The following CNTN5 variants were observed in gnomAD, a reference collection of about 807,000 sequenced individuals.
The protein encoded by CNTN5 is contactin 5.
CNTN5 carries 77 observed loss-of-function variants against 129.1 expected under a neutral mutation model. That is an observed-to-expected ratio of 0.60 (90% confidence interval 0.50 to 0.72). The LOEUF (loss-of-function observed/expected upper bound fraction) is 0.72. CNTN5 is among the 30% of genes least tolerant of loss of function. The pLI, the probability that CNTN5 is intolerant of heterozygous loss-of-function variation, is 0.00. For missense variants in CNTN5, 1,478 were observed against 1,328.8 expected (o/e 1.11, Z -1.75); for synonymous variants, 509 against 465.6 (o/e 1.09, Z -1.20).
chr11:99,369,503 A>G (rs1166828705), intron 2 of CNTN5, among the ~76,000 whole-genome samples: 4 of 151,582 alleles, frequency 2.6e-5, no homozygotes, highest in African/African-American at 7.3e-5. Flanking sequence ...TGCTGATAAT[A>G]TGTTCTTCCA....
chr11:100,196,076 G>C (rs1276793884), intron 15 of CNTN5, among the ~76,000 whole-genome samples: 1 of 151,846 alleles, frequency 6.6e-6, no homozygotes, highest in Non-Finnish European at 1.5e-5. Flanking sequence ...GAGTTTCCAA[G>C]AAGAGTCATT....
chr11:100,308,910 G>A, intron 21 of CNTN5: 2 of 980,416 alleles, frequency 2.0e-6, no homozygotes, highest in Middle Eastern at 5.3e-4. Flanking sequence ...TTGTATCTAT[G>A]TATTCAGATA....
At chr11:100,283,988 C>T (rs1478403447) in intron 18 of CNTN5, among the ~76,000 whole-genome samples, 2 of 152,150 alleles carry the variant, frequency 1.3e-5, no homozygotes, top group South Asian at 4.2e-4. Flanking sequence ...TAAATTCCCT[C>T]TGTGGGTGGG....
chr11:99,323,839 T>C (rs996059093), intron 1 of CNTN5, among the ~76,000 whole-genome samples: 1 of 151,430 alleles, frequency 6.6e-6, no homozygotes, highest in African/African-American at 2.4e-5. Flanking sequence ...AAATGTAAAA[T>C]TGTTACAATA....
At chr11:100,007,927 C>T (rs1940293064) in intron 9 of CNTN5, among the ~76,000 whole-genome samples, 2 of 151,970 alleles carry the variant, frequency 1.3e-5, no homozygotes, top group Non-Finnish European at 2.9e-5. Context: ...CTTCCTTTCA[C>T]TTGAACACTT....
intron 1 of CNTN5, among the ~76,000 whole-genome samples, chr11:99,316,170 C>T (rs901970743): frequency 2.6e-5 from 4 of 151,398 alleles, no homozygotes; most frequent in African/African-American, 9.8e-5. Context: ...GGGCATCATC[C>T]TGTAGATTCT....
intron 2 of CNTN5, among the ~76,000 whole-genome samples, chr11:99,505,129 T>A (rs1946569688): frequency 6.6e-6 from 1 of 152,142 alleles, no homozygotes; most frequent in African/African-American, 2.4e-5. Flanking sequence ...TCAGCATACC[T>A]CCCATTTCGC....
intron 1 of CNTN5, among the ~76,000 whole-genome samples, chr11:99,301,713 T>A (rs1407108349): frequency 1.3e-5 from 2 of 151,684 alleles, no homozygotes; most frequent in Non-Finnish European, 3.0e-5. Flanking sequence ...GTAGAAGACA[T>A]GTACAATTCT....
chr11:99,447,793 T>G (rs189652394), intron 2 of CNTN5, among the ~76,000 whole-genome samples: 73 of 152,110 alleles, frequency 4.8e-4, no homozygotes, highest in African/African-American at 1.7e-3. Flanking sequence ...GGTGTCGTGG[T>G]GGGTTCCTGT....
In CNTN5 at chr11:99,993,794, A is replaced by G. The variant is rs370959125; in HGVS notation, c.878-8240A>G. 1.6e-4 allele frequency among the ~76,000 whole-genome samples: 24 copies of G among 152,234 alleles called. No individual in the cohort carries two copies. In the South Asian group the frequency reaches 5.0e-3, roughly 32 times the overall value. On this transcript the variant is annotated intron_variant, in intron 8 of 24. Transcript: ENST00000524871. ...AGCTGTAACACAATAATCCCATGAA[A>G]TGTAAAGCAAAACGTAACCACTGAA...
At chr11:99,023,982 A>G (rs185257425) in intron 1 of CNTN5, among the ~76,000 whole-genome samples, 1 of 152,282 alleles carries the variant, frequency 6.6e-6, no homozygotes, top group East Asian at 1.9e-4. Context: ...GGCTGTGCTA[A>G]CATGTTACAT....
At chr11:99,279,199 C>A (rs1164572530) in intron 1 of CNTN5, among the ~76,000 whole-genome samples, 4 of 151,738 alleles carry the variant, frequency 2.6e-5, no homozygotes, top group Admixed American at 2.0e-4. Flanking sequence ...CTGCCTCCTC[C>A]TTCGTATTCT....
At chr11:100,181,335 T>A (rs1466293649) in intron 13 of CNTN5, among the ~76,000 whole-genome samples, 1 of 152,020 alleles carries the variant, frequency 6.6e-6, no homozygotes, top group East Asian at 1.9e-4. Flanking sequence ...TAGATTCCAC[T>A]AATCTAAGAT....
chr11:99,425,924 T>G (rs1374159224), intron 2 of CNTN5, among the ~76,000 whole-genome samples: 1 of 152,202 alleles, frequency 6.6e-6, no homozygotes. Flanking sequence ...ATCACAACCA[T>G]GGTTAGAGAT....
chr11:99,194,271 G>C (rs757907627), intron 1 of CNTN5, among the ~76,000 whole-genome samples: 2 of 152,074 alleles, frequency 1.3e-5, no homozygotes, highest in Non-Finnish European at 2.9e-5. Flanking sequence ...TTCTGAAGAG[G>C]TGATTTCAAA....
At chr11:100,040,027 TGGA>T (rs1269456756) in intron 9 of CNTN5, among the ~76,000 whole-genome samples, 2 of 152,214 alleles carry the variant, frequency 1.3e-5, no homozygotes, top group African/African-American at 4.8e-5. Flanking sequence ...TGCATTCCTT[TGGA>T]GGAGGAGAGG....
At chr11:99,352,966 C>T (rs971250699) in intron 2 of CNTN5, among the ~76,000 whole-genome samples, 3 of 152,144 alleles carry the variant, frequency 2.0e-5, no homozygotes, top group African/African-American at 4.8e-5. Flanking sequence ...CTCAGGCTCT[C>T]CCTTATACCA....
chr11:100,064,825 C>G (rs996093064), intron 10 of CNTN5, among the ~76,000 whole-genome samples: 2 of 151,616 alleles, frequency 1.3e-5, no homozygotes, highest in African/African-American at 4.8e-5. Context: ...AAATGCAGAA[C>G]AAAGTAAGGA....
intron 15 of CNTN5, among the ~76,000 whole-genome samples, chr11:100,204,423 T>C (rs1948872683): frequency 6.9e-6 from 1 of 145,256 alleles, no homozygotes; most frequent in South Asian, 2.2e-4. Context: ...GGAGAGATGA[T>C]ATATAGATAT....
Sources: allele counts gnomAD v4.1 joint callset (sites outside exome capture counted in the v4.1 genomes callset), GRCh38; gene constraint gnomAD v4.1.1; transcripts MANE v1.5; gene names NCBI Gene and HGNC (gene_info 2026-07-23, HGNC 2026-07-21).